Variants in FSHR observed in about 807,000 individuals in gnomAD.
FSHR encodes follicle-stimulating hormone receptor.
Under a neutral mutation model 52.1 loss-of-function variants are expected in FSHR, and 46 were observed. The ratio of observed to expected loss-of-function variants is 0.88; its 90% CI spans 0.70 to 1.13. FSHR has a LOEUF of 1.13. FSHR is among the 50% of genes most tolerant of loss of function. The pLI is 0.00. For missense variants in FSHR, 964 were observed against 834.6 expected (o/e 1.16, Z -1.91); for synonymous variants, 399 against 309.6 (o/e 1.29, Z -3.03).
At chr2:49,145,393 T>C (rs1414033255) in intron 1 of FSHR, among the ~76,000 whole-genome samples, 2 of 152,104 alleles carry the variant, frequency 1.3e-5, no homozygotes, top group Admixed American at 1.3e-4. Flanking sequence ...AAACAAGGAT[T>C]TGCTAGCTTT....
chr2:49,004,051 TTGCCTAA>T (rs1352713701), intron 4 of FSHR, among the ~76,000 whole-genome samples: 1 of 152,182 alleles, frequency 6.6e-6, no homozygotes, highest in Non-Finnish European at 1.5e-5. Flanking sequence ...GGTGGGGTAT[TTGCCTAA>T]TGTCTCTTCA....
At chr2:49,075,259 G>T (rs914647653) in intron 1 of FSHR, among the ~76,000 whole-genome samples, 10 of 152,180 alleles carry the variant, frequency 6.6e-5, no homozygotes, top group African/African-American at 2.2e-4. Context: ...TGATCACTCT[G>T]TTCTGATGCA....
At chr2:49,094,212 T>C (rs533795793) in intron 1 of FSHR, among the ~76,000 whole-genome samples, 29 of 152,304 alleles carry the variant, frequency 1.9e-4, no homozygotes, top group Admixed American at 1.0e-3. Context: ...ATTTTATTAC[T>C]TCAATGGTAA....
chr2:49,040,846 GA>G (rs34168636), intron 2 of FSHR, among the ~76,000 whole-genome samples: 98,179 of 151,946 alleles, frequency 0.65, 31,998 homozygotes, highest in East Asian at 0.78. Context: ...GATGTGCTGA[GA>G]AGCAGTGCAG....
At chr2:48,986,794 A>G (rs1254267163) in intron 6 of FSHR, among the ~76,000 whole-genome samples, 2 of 152,134 alleles carry the variant, frequency 1.3e-5, no homozygotes, top group Non-Finnish European at 2.9e-5. Context: ...CTAGTTGGGG[A>G]GAGTTGAGAC....
chr2:49,138,775 A>G (rs898434123), intron 1 of FSHR, among the ~76,000 whole-genome samples: 1 of 152,238 alleles, frequency 6.6e-6, no homozygotes, highest in African/African-American at 2.4e-5. Context: ...ATGGTTGCAC[A>G]TATCTGTGAA....
At chr2:49,080,910 G>T (rs560882978) in intron 1 of FSHR, among the ~76,000 whole-genome samples, 1 of 152,272 alleles carries the variant, frequency 6.6e-6, no homozygotes, top group South Asian at 2.1e-4. Context: ...CCTAGGTCCA[G>T]GTATCTGACA....
chr2:48,995,240 G>C (rs562468977), intron 4 of FSHR, among the ~76,000 whole-genome samples: 1 of 152,196 alleles, frequency 6.6e-6, no homozygotes, highest in Admixed American at 6.5e-5. Context: ...AGGGAGTTTG[G>C]GAGTGAGTTA....
At chr2:49,033,718 G>C (rs1367558904) in intron 2 of FSHR, among the ~76,000 whole-genome samples, 1 of 152,024 alleles carries the variant, frequency 6.6e-6, no homozygotes, top group Non-Finnish European at 1.5e-5. Context: ...ACTAGTCTCT[G>C]CTGTAAGAAA....
intron 8 of FSHR, among the ~76,000 whole-genome samples, chr2:48,973,692 A>G (rs1674848430): frequency 6.6e-6 from 1 of 152,224 alleles, no homozygotes; most frequent in African/African-American, 2.4e-5. Flanking sequence ...TCGCATTCTC[A>G]GCGGTGCCTT....
chr2:48,982,143 C>A (rs1023939692), intron 8 of FSHR, among the ~76,000 whole-genome samples: 3 of 152,196 alleles, frequency 2.0e-5, no homozygotes, highest in Middle Eastern at 3.4e-3. Context: ...ACCAAAGAAG[C>A]CTTAAAGGCC....
At chr2:49,025,775 A>C (rs1667893360) in intron 2 of FSHR, among the ~76,000 whole-genome samples, 1 of 152,160 alleles carries the variant, frequency 6.6e-6, no homozygotes, top group Non-Finnish European at 1.5e-5. Flanking sequence ...TAAATACTTA[A>C]ACCAGGCTAT....
Position 48,963,303 on chromosome 2 carries a change from A to C in FSHR, c.1518T>G (p.Phe506Leu). ...FAFAAALFPI[F>L]GISSYMKVSI... ...TCACCTTCATGTAGCTGCTGATGCC[A>C]AAGATGGGAAAGAGGGCAGCTGCAA... is the stretch of plus-strand genomic sequence containing the variant. Residue 506 changes from phenylalanine to leucine, a missense_variant, in exon 10 of 10, where the codon TTT (phenylalanine) becomes TTG (leucine). Phe to Leu is a conservative substitution (Grantham distance 22). Coordinates refer to ENST00000406846, the MANE Select transcript of FSHR (RefSeq NM_000145.4). The C allele has an allele frequency of 6.2e-7, 1 of 1,614,040 alleles. No individual in the cohort carries two copies. The highest frequency in any genetic ancestry group is 8.5e-7 in the Non-Finnish European group (1 of 1,179,984).
intron 8 of FSHR, among the ~76,000 whole-genome samples, chr2:48,976,557 G>A (rs551073862): frequency 6.6e-6 from 1 of 152,294 alleles, no homozygotes; most frequent in South Asian, 2.1e-4. Context: ...AGAAGGAATG[G>A]TACCAGCTCC....
intron 2 of FSHR, among the ~76,000 whole-genome samples, chr2:49,058,730 G>A (rs902620770): frequency 2.0e-5 from 3 of 151,792 alleles, no homozygotes; most frequent in Non-Finnish European, 4.4e-5. Flanking sequence ...AAAACCCTAT[G>A]AATAAATTTA....
At chr2:49,032,824 A>G (rs1380513398) in intron 2 of FSHR, among the ~76,000 whole-genome samples, 3 of 152,172 alleles carry the variant, frequency 2.0e-5, no homozygotes, top group Non-Finnish European at 4.4e-5. Context: ...CCCAATTTTC[A>G]GCTGTGAATA....
At chr2:48,991,668 T>C (rs1391293421) in intron 4 of FSHR, among the ~76,000 whole-genome samples, 1 of 152,180 alleles carries the variant, frequency 6.6e-6, no homozygotes, top group Non-Finnish European at 1.5e-5. Context: ...TGAAGCTGGA[T>C]GAAATGTGGG....
At chr2:49,051,279 G>T (rs1173874636) in intron 2 of FSHR, among the ~76,000 whole-genome samples, 1 of 152,060 alleles carries the variant, frequency 6.6e-6, no homozygotes, top group Non-Finnish European at 1.5e-5. Flanking sequence ...TACCAAAGAG[G>T]TTGTACAATT....
intron 1 of FSHR, among the ~76,000 whole-genome samples, chr2:49,079,915 C>G (rs559882004): frequency 4.4e-4 from 67 of 152,134 alleles, no homozygotes; most frequent in African/African-American, 1.6e-3. Flanking sequence ...ATAAACTGAA[C>G]TGTAGTTTAT....
Sources: allele counts gnomAD v4.1 joint callset (sites outside exome capture counted in the v4.1 genomes callset), GRCh38; gene constraint gnomAD v4.1.1; transcripts MANE v1.5; gene names NCBI Gene and HGNC (gene_info 2026-07-23, HGNC 2026-07-21).